The following FGF5 variants were observed in gnomAD, a reference collection of about 807,000 sequenced individuals.
FGF5 encodes the protein fibroblast growth factor 5, also known as heparin-binding growth factor 5.
A neutral mutation model predicts 21.8 loss-of-function variants in FGF5; 23 were observed. The ratio of observed to expected loss-of-function variants is 1.05; its 90% CI spans 0.76 to 1.49. The LOEUF (loss-of-function observed/expected upper bound fraction) is 1.49, where lower values mean the gene tolerates loss of function less well. Ranked by LOEUF, FGF5 falls within the 40% of genes most tolerant of loss-of-function variation. The pLI is 0.00. For missense variants in FGF5, 352 were observed against 332.9 expected, an observed-to-expected ratio of 1.06 and a Z score of -0.45; for synonymous variants, 158 against 124.0, an observed-to-expected ratio of 1.27 and a Z score of -1.82.
At chr4:80,284,651 G>A (rs1294298219) in intron 2 of FGF5, among the ~76,000 whole-genome samples, 1 of 152,174 alleles carries the variant, frequency 6.6e-6, no homozygotes, top group Non-Finnish European at 1.5e-5. Flanking sequence ...TAAAGTGAAT[G>A]TGCTGTTGGA....
chr4:80,267,732 G>GATA (rs1485361297), intron 1 of FGF5, among the ~76,000 whole-genome samples: 150 of 148,308 alleles, frequency 1.0e-3, no homozygotes, highest in African/African-American at 3.6e-3. Flanking sequence ...TATACACATA[G>GATA]GTAGATAGAT....
Position 80,290,134 on chromosome 4 carries a change from T to C in FGF5, c.*3462T>C, listed in dbSNP as rs866722954. The stretch of plus-strand genomic sequence containing the variant: ...GCATAATTTTTACAGTTGCAGAGAA[T>C]TGTTTCTGGGCTCATTAAAAAAAGT... On this transcript the variant is annotated 3_prime_UTR_variant, in exon 3 of 3. Transcript: ENST00000312465. 6.6e-5 allele frequency: 10 copies of C among 152,262 alleles called. No homozygotes were observed. Among genetic ancestry groups the C allele is most frequent in the Middle Eastern group, 3.4e-3 (1 of 292 alleles). The allele number at this position is 152,262 out of a possible 1,614,324, so 9.4% of individuals were successfully genotyped here. A position where few individuals can be genotyped will look rare whatever the true frequency, so the allele number is the denominator to read the frequency against.
At chr4:80,276,857 A>G (rs1002003010) in intron 2 of FGF5, among the ~76,000 whole-genome samples, 2 of 152,154 alleles carry the variant, frequency 1.3e-5, no homozygotes, top group African/African-American at 4.8e-5. Flanking sequence ...TTAAGTTTAT[A>G]AAAGATTAAA....
chr4:80,283,202 C>G (rs1161949206), intron 2 of FGF5, among the ~76,000 whole-genome samples: 1 of 152,178 alleles, frequency 6.6e-6, no homozygotes. Context: ...ACTGCGTTTA[C>G]TCCCGTATTA....
intron 1 of FGF5, chr4:80,268,697 G>A: frequency 3.9e-6 from 1 of 253,340 alleles, no homozygotes; most frequent in Non-Finnish European, 6.3e-6. Flanking sequence ...CTATCTGATC[G>A]CGCTGATTCA....
chr4:80,278,358 C>T (rs1167912048), intron 2 of FGF5, among the ~76,000 whole-genome samples: 1 of 152,064 alleles, frequency 6.6e-6, no homozygotes, highest in Non-Finnish European at 1.5e-5. Flanking sequence ...ATTCATATCA[C>T]CTTTTTTGAA....
At chr4:80,285,559 G>A (rs557198904) in intron 2 of FGF5, among the ~76,000 whole-genome samples, 23 of 152,142 alleles carry the variant, frequency 1.5e-4, no homozygotes, top group South Asian at 4.2e-4. Flanking sequence ...TCTGCATACC[G>A]CTGTCATAAT....
In FGF5 at chr4:80,286,911, GC is replaced by G; in HGVS notation, c.*240del. On this transcript the variant is annotated 3_prime_UTR_variant, in exon 3 of 3. Transcript: ENST00000312465. ...AGTTCAGCAAGACATAAAGCCTTTT[GC>G]TTTATGCTTGAGGGATATTTAGAAC... The G allele has an allele frequency of 2.4e-6, 1 of 420,090 alleles. No homozygotes were observed. The highest frequency in any genetic ancestry group is 4.3e-6 in the Non-Finnish European group (1 of 235,238). 26.0% of individuals were successfully genotyped at this position (420,090 alleles called of 1,614,324 possible).
rs929954779 is a variant in FGF5, at chr4:80,268,546, G to A, written c.355+1367G>A. On this transcript the variant is annotated intron_variant, in intron 1 of 2. Coordinates refer to ENST00000312465, the MANE Select transcript of FGF5 (RefSeq NM_004464.4). ...ATTTGGCAGCCAGCAGTCTCCAGAG[G>A]GGGGTCGGAGGCGCGCAAGTGGGTA... The A allele has an allele frequency of 2.2e-5, 22 of 985,952 alleles. No homozygotes were observed. In the African/African-American group the frequency reaches 3.8e-4, roughly 17 times the overall value. The allele number at this position is 985,952 out of a possible 1,614,324, so 61.1% of individuals were successfully genotyped here.
rs765909796 is a variant in FGF5, at chr4:80,267,141, A to G, written c.317A>G (p.Asp106Gly). 3.1e-6 allele frequency: 5 copies of G among 1,612,998 alleles called. No homozygotes were observed. The highest frequency in any genetic ancestry group is 2.5e-6 in the Non-Finnish European group (3 of 1,179,442). ...GGTTTCCATCTGCAGATCTACCCGGATGGCAAAGTCAATGGATCCCACGAA... is the reference window on the plus strand; with the variant it reads ...GGTTTCCATCTGCAGATCTACCCGGGTGGCAAAGTCAATGGATCCCACGAA... ...GIGFHLQIYPDGKVNGSHEAN... is the reference protein window; with the variant it reads ...GIGFHLQIYPGGKVNGSHEAN... Residue 106 changes from aspartate to glycine, a missense_variant, in exon 1 of 3, where the codon GAT (aspartate) becomes GGT (glycine). Transcript: ENST00000312465.
chr4:80,285,733 T>G (rs1720692730), intron 2 of FGF5, among the ~76,000 whole-genome samples: 1 of 152,134 alleles, frequency 6.6e-6, no homozygotes, highest in Non-Finnish European at 1.5e-5. Flanking sequence ...TACTTTCCTG[T>G]AATGCCTGAG....
chr4:80,285,203 C>G (rs1390413452), intron 2 of FGF5, among the ~76,000 whole-genome samples: 2 of 152,154 alleles, frequency 1.3e-5, no homozygotes, highest in Non-Finnish European at 2.9e-5. Context: ...CATTCTCCCA[C>G]ATATTCCTTC....
rs903058014 is a variant in FGF5, at chr4:80,273,022, T to C, written c.356-1887T>C. 1.3e-4 allele frequency among the ~76,000 whole-genome samples: 20 copies of C among 152,192 alleles called. 2 individuals carry two copies. The highest frequency in any genetic ancestry group is 1.2e-3 in the Admixed American group (19 of 15,284). On this transcript the variant is annotated intron_variant, in intron 1 of 2. Transcript: ENST00000312465. ...ATATTACATCTGTGTAGAGTAACTT[T>C]ACAAAGCATTTGGTGTGTTTTGTTA...
chr4:80,275,784 G>T (rs1416421967), intron 2 of FGF5, among the ~76,000 whole-genome samples: 1 of 151,796 alleles, frequency 6.6e-6, no homozygotes, highest in South Asian at 2.1e-4. Flanking sequence ...GTATATACAC[G>T]CTGCACTTAA....
intron 1 of FGF5, 63 bp downstream of exon 1, chr4:80,267,242 G>A: frequency 2.3e-6 from 3 of 1,326,000 alleles, no homozygotes; most frequent in South Asian, 2.8e-5. Context: ...GGGAGGGACA[G>A]CAGGTATTCG....
chr4:80,275,587 A>G (rs1281404654), intron 2 of FGF5, among the ~76,000 whole-genome samples: 3 of 152,034 alleles, frequency 2.0e-5, no homozygotes, highest in African/African-American at 7.2e-5. Flanking sequence ...TCTTAATACT[A>G]TGAAAACTAA....
chr4:80,281,993 G>A (rs1022456384), intron 2 of FGF5, among the ~76,000 whole-genome samples: 5 of 151,172 alleles, frequency 3.3e-5, no homozygotes, highest in Non-Finnish European at 7.4e-5. Context: ...ATAGAGTTTT[G>A]CTCTTGTTGC....
intron 1 of FGF5, among the ~76,000 whole-genome samples, chr4:80,270,183 T>G (rs908295725): frequency 2.0e-5 from 3 of 152,218 alleles, no homozygotes; most frequent in Non-Finnish European, 4.4e-5. Context: ...TTCTACTGTA[T>G]GTGAGTTAGT....
Position 80,266,776 on chromosome 4 carries a change from C to A in FGF5, c.-49C>A. 6.8e-7 allele frequency: 1 copy of A among 1,461,158 alleles called. No homozygotes were observed. Among genetic ancestry groups the A allele is most frequent in the Admixed American group, 2.2e-5 (1 of 46,108 alleles). 90.5% of individuals were successfully genotyped at this position (1,461,158 alleles called of 1,614,324 possible). ...ACGCAGCCGCACAGGGGCTACAGAG[C>A]CCAGAATCAGCCCTACAAGATGCAC... On this transcript the variant is annotated 5_prime_UTR_variant, in exon 1 of 3. Transcript: ENST00000312465.
Sources: gnomAD v4.1 joint callset for allele counts (sites outside exome capture counted in the v4.1 genomes callset) on GRCh38, gnomAD v4.1.1 for gene constraint, MANE v1.5 for transcripts, NCBI Gene and HGNC (gene_info 2026-07-23, HGNC 2026-07-21) for gene names.